NAALADL2: variants seen among roughly 807,000 people sequenced by gnomAD.
NAALADL2 encodes N-acetylated alpha-linked acidic dipeptidase like 2, also known as inactive N-acetylated-alpha-linked acidic dipeptidase-like protein 2.
A neutral mutation model predicts 87.2 loss-of-function variants in NAALADL2; 76 were observed. That is an observed-to-expected ratio of 0.87 (90% CI 0.72 to 1.05). NAALADL2 has a LOEUF of 1.05. Among genes scored for constraint, NAALADL2 ranks in the 50% least tolerant of loss-of-function variants. NAALADL2 has a pLI of 0.00. For missense variants in NAALADL2, 1,089 were observed against 945.8 expected, an observed-to-expected ratio of 1.15 and a Z score of -1.99; for synonymous variants, 354 against 331.0, an observed-to-expected ratio of 1.07 and a Z score of -0.75.
At chr3:175,277,603 T>A (rs1398555965) in intron 4 of NAALADL2, among the ~76,000 whole-genome samples, 1 of 152,178 alleles carries the variant, frequency 6.6e-6, no homozygotes, top group Non-Finnish European at 1.5e-5. Context: ...TTTCTTAACA[T>A]AAACCTTATT....
chr3:174,720,265 G>A (rs929822156), intron 2 of NAALADL2, among the ~76,000 whole-genome samples: 1 of 151,964 alleles, frequency 6.6e-6, no homozygotes, highest in African/African-American at 2.4e-5. Context: ...CATAGTATTG[G>A]TTTATTATCT....
chr3:174,766,827 T>G (rs1486780386), intron 3 of NAALADL2, among the ~76,000 whole-genome samples: 1 of 152,232 alleles, frequency 6.6e-6, no homozygotes, highest in Non-Finnish European at 1.5e-5. Flanking sequence ...TTTGAGAGCT[T>G]ACATTCTAGT....
intron 2 of NAALADL2, among the ~76,000 whole-genome samples, chr3:175,193,984 T>C (rs1160302797): frequency 2.0e-5 from 3 of 151,926 alleles, no homozygotes; most frequent in Non-Finnish European, 4.4e-5. Context: ...AGCCCTTTCT[T>C]GGAGCATAGA....
intron 2 of NAALADL2, among the ~76,000 whole-genome samples, chr3:174,685,278 C>T (rs1016676492): frequency 2.0e-5 from 3 of 152,070 alleles, no homozygotes; most frequent in Non-Finnish European, 4.4e-5. Context: ...GCAGCTGCAT[C>T]CTCCCTTTGC....
chr3:174,574,796 T>A (rs2063191773), intron 2 of NAALADL2, among the ~76,000 whole-genome samples: 1 of 152,170 alleles, frequency 6.6e-6, no homozygotes, highest in Non-Finnish European at 1.5e-5. Context: ...ACTGATTGGC[T>A]ACCTTCACTC....
At chr3:175,781,139 G>A (rs1452745250) in intron 13 of NAALADL2, among the ~76,000 whole-genome samples, 1 of 152,130 alleles carries the variant, frequency 6.6e-6, no homozygotes, top group Non-Finnish European at 1.5e-5. Context: ...AGTTGAATAT[G>A]CACTTGTTTG....
intron 1 of NAALADL2, among the ~76,000 whole-genome samples, chr3:174,949,399 A>G (rs1434918485): frequency 1.3e-5 from 2 of 152,060 alleles, no homozygotes; most frequent in African/African-American, 4.8e-5. Context: ...AGGGGTGGGG[A>G]GGGTTGTCCC....
chr3:174,986,062 ATTAAT>A (rs545397478), intron 1 of NAALADL2, among the ~76,000 whole-genome samples: 64 of 152,150 alleles, frequency 4.2e-4, no homozygotes, highest in African/African-American at 1.3e-3. Flanking sequence ...TCTACATGAG[ATTAAT>A]TTAAGTCCTT....
chr3:174,494,191 G>A (rs748028770), intron 1 of NAALADL2, among the ~76,000 whole-genome samples: 1 of 152,088 alleles, frequency 6.6e-6, no homozygotes, highest in South Asian at 2.1e-4. Context: ...GTTAGGTGTC[G>A]CTTGGAGATG....
intron 1 of NAALADL2, among the ~76,000 whole-genome samples, chr3:174,912,008 C>T (rs982146395): frequency 6.6e-6 from 1 of 152,056 alleles, no homozygotes; most frequent in Non-Finnish European, 1.5e-5. Context: ...TGTTTATTTT[C>T]CCATTATAAC....
intron 5 of NAALADL2, among the ~76,000 whole-genome samples, chr3:175,394,082 A>G (rs1298334882): frequency 6.6e-6 from 1 of 151,938 alleles, no homozygotes; most frequent in East Asian, 1.9e-4. Flanking sequence ...TCCAAGAAGC[A>G]GATAGCCAAT....
At chr3:175,613,286 C>A (rs1355357572) in intron 10 of NAALADL2, among the ~76,000 whole-genome samples, 1 of 152,144 alleles carries the variant, frequency 6.6e-6, no homozygotes, top group Non-Finnish European at 1.5e-5. Context: ...AGAAAGATAT[C>A]TACTTGCTTA....
intron 5 of NAALADL2, among the ~76,000 whole-genome samples, chr3:175,355,447 T>C (rs780331045): frequency 6.6e-5 from 10 of 152,148 alleles, no homozygotes; most frequent in Non-Finnish European, 1.2e-4. Flanking sequence ...GACCTGATAT[T>C]GTAGGCACTG....
At chr3:175,463,721 AG>A in intron 7 of NAALADL2, among the ~76,000 whole-genome samples, 2 of 151,168 alleles carry the variant, frequency 1.3e-5, no homozygotes, top group Non-Finnish European at 2.9e-5. Context: ...AGAGAGAGAG[AG>A]AGAGAGAGAG....
At chr3:174,740,570 TG>T (rs1733672121) in intron 3 of NAALADL2, among the ~76,000 whole-genome samples, 1 of 151,906 alleles carries the variant, frequency 6.6e-6, no homozygotes, top group Non-Finnish European at 1.5e-5. Flanking sequence ...GTGTGAATAT[TG>T]CAGTTGTTTG....
chr3:174,643,567 T>A (rs1466445678), intron 2 of NAALADL2, among the ~76,000 whole-genome samples: 2 of 152,044 alleles, frequency 1.3e-5, no homozygotes, highest in Non-Finnish European at 2.9e-5. Flanking sequence ...GGCAGGAGAA[T>A]CGCTTAAACC....
At chr3:175,176,188 C>T (rs1413971675) in intron 2 of NAALADL2, among the ~76,000 whole-genome samples, 2 of 151,842 alleles carry the variant, frequency 1.3e-5, no homozygotes, top group African/African-American at 4.8e-5. Context: ...TTCCCGCTGC[C>T]TTGGAAAATG....
intron 3 of NAALADL2, among the ~76,000 whole-genome samples, chr3:174,763,609 A>T (rs991045271): frequency 1.3e-5 from 2 of 149,794 alleles, no homozygotes; most frequent in African/African-American, 2.4e-5. Flanking sequence ...AAAGACTAAA[A>T]TGTTGAAGTA....
At chr3:175,425,838 A>T (rs753999342) in intron 5 of NAALADL2, among the ~76,000 whole-genome samples, 3 of 152,174 alleles carry the variant, frequency 2.0e-5, no homozygotes, top group Admixed American at 6.5e-5. Flanking sequence ...TATTTGTTAG[A>T]ATATAAATAT....
Sources: allele counts gnomAD v4.1 joint callset (sites outside exome capture counted in the v4.1 genomes callset), GRCh38; gene constraint gnomAD v4.1.1; transcripts MANE v1.5; gene names NCBI Gene and HGNC (gene_info 2026-07-23, HGNC 2026-07-21).